ENTPD4: variants seen among roughly 807,000 people sequenced by gnomAD.
ENTPD4 encodes the protein Golgi UDPase.
A neutral mutation model predicts 79.1 loss-of-function variants in ENTPD4; 60 were observed. The observed-to-expected ratio is 0.76, with a 90% confidence interval of 0.62 to 0.94. The LOEUF (loss-of-function observed/expected upper bound fraction) is 0.94, where lower values mean the gene tolerates loss of function less well. ENTPD4 is among the 40% of genes least tolerant of loss of function. The pLI, the probability that ENTPD4 is intolerant of heterozygous loss-of-function variation, is 0.00. For missense variants in ENTPD4, 772 were observed against 775.1 expected (o/e 1.00, Z 0.05); for synonymous variants, 276 against 292.0 (o/e 0.95, Z 0.56).
intron 3 of ENTPD4, 96 bp downstream of exon 3, chr8:23,448,646 G>A: frequency 1.0e-6 from 1 of 978,610 alleles, no homozygotes; most frequent in South Asian, 1.5e-5. Context: ...TTGTTTATAA[G>A]CCACCCAGTC....
intron 6 of ENTPD4, among the ~76,000 whole-genome samples, chr8:23,443,131 C>A (rs1212649291): frequency 6.6e-6 from 1 of 151,628 alleles, no homozygotes; most frequent in Non-Finnish European, 1.5e-5. Flanking sequence ...CCTTGAGGTG[C>A]AGTTCAGATG....
intron 12 of ENTPD4, among the ~76,000 whole-genome samples, 192 bp from the exon 13 acceptor site, chr8:23,433,346 T>C (rs891364652): frequency 1.3e-5 from 2 of 152,156 alleles, no homozygotes; most frequent in East Asian, 3.9e-4. Flanking sequence ...TGTGAAAGTA[T>C]ACTCTGAAGT....
At chr8:23,452,119 G>C (rs1224611583) in intron 1 of ENTPD4, among the ~76,000 whole-genome samples, 1 of 152,210 alleles carries the variant, frequency 6.6e-6, no homozygotes, top group East Asian at 1.9e-4. Flanking sequence ...TGGGATGCAA[G>C]TGTGAGAATC....
chr8:23,439,567 G>A (rs1047311444), intron 9 of ENTPD4, among the ~76,000 whole-genome samples, 182 bp downstream of exon 9: 1 of 152,164 alleles, frequency 6.6e-6, no homozygotes, highest in Non-Finnish European at 1.5e-5. Flanking sequence ...TGGGACAGAG[G>A]GCCAAAGGCA....
chr8:23,456,179 C>A lies in ENTPD4; in HGVS notation c.-98+1378G>T, dbSNP rs1441608724. 3.9e-5 allele frequency among the ~76,000 whole-genome samples: 6 copies of A among 152,226 alleles called. 1 individual carries two copies. Among genetic ancestry groups the A allele is most frequent in the Admixed American group, 3.9e-4 (6 of 15,280 alleles). On this transcript the variant is annotated intron_variant, in intron 1 of 12. Coordinates refer to ENST00000358689, the MANE Select transcript of ENTPD4 (RefSeq NM_004901.5). ...CAACTGGTCCACCTTATCTCACCAA[C>A]CTATCCTCTCATCAGTCCCAGATAC... is the stretch of plus-strand genomic sequence containing the variant.
At chr8:23,456,090 A>G (rs553068444) in intron 1 of ENTPD4, among the ~76,000 whole-genome samples, 2 of 152,314 alleles carry the variant, frequency 1.3e-5, no homozygotes, top group South Asian at 4.1e-4. Context: ...TCAGCTAAGA[A>G]CCTTCTGGAA....
chr8:23,449,564 C>T (rs575358776), intron 2 of ENTPD4, among the ~76,000 whole-genome samples: 1 of 152,276 alleles, frequency 6.6e-6, no homozygotes, highest in East Asian at 1.9e-4. Context: ...AATATTCCCA[C>T]AAGACATTTC....
chr8:23,436,373 GAGA>G (rs1477169574), intron 10 of ENTPD4, among the ~76,000 whole-genome samples: 1 of 152,196 alleles, frequency 6.6e-6, no homozygotes, highest in African/African-American at 2.4e-5. Flanking sequence ...CATTAACCGA[GAGA>G]AGAACAGGAA....
chr8:23,431,826 T>C lies in ENTPD4; in HGVS notation c.*1100A>G. The C allele has an allele frequency of 1.0e-6, 1 of 985,434 alleles. No individual in the cohort carries two copies. Among genetic ancestry groups the C allele is most frequent in the African/African-American group, 1.7e-5 (1 of 57,362 alleles). The allele number at this position is 985,434 out of a possible 1,614,324, so 61.0% of individuals were successfully genotyped here. ...ACCGAAACTGGTGAAACTAGGAATT[T>C]CCAATTCTTTCAAAACCACAGTGTT... On this transcript the variant is annotated 3_prime_UTR_variant, in exon 13 of 13. Coordinates refer to ENST00000358689, the MANE Select transcript of ENTPD4 (RefSeq NM_004901.5).
intron 1 of ENTPD4, among the ~76,000 whole-genome samples, chr8:23,452,079 T>A (rs1410186100): frequency 6.6e-6 from 1 of 152,220 alleles, no homozygotes; most frequent in African/African-American, 2.4e-5. Flanking sequence ...GTAACTTGTC[T>A]AAGGTCACAC....
chr8:23,433,878 A>G (rs1800506885), intron 12 of ENTPD4, among the ~76,000 whole-genome samples: 1 of 152,260 alleles, frequency 6.6e-6, no homozygotes, highest in Admixed American at 6.5e-5. Context: ...TAATGTGTTA[A>G]TAGAGAAGAA....
chr8:23,442,978 T>C (rs1021477570), intron 6 of ENTPD4, among the ~76,000 whole-genome samples: 7 of 152,122 alleles, frequency 4.6e-5, no homozygotes, highest in African/African-American at 1.7e-4. Flanking sequence ...AACTAAAACA[T>C]TTGTGTTTCT....
At chr8:23,454,276 A>T (rs1800914973) in intron 1 of ENTPD4, among the ~76,000 whole-genome samples, 1 of 152,058 alleles carries the variant, frequency 6.6e-6, no homozygotes, top group Non-Finnish European at 1.5e-5. Context: ...CTGAACATTT[A>T]AAAAAAACAT....
At position 23,447,837 on chromosome 8, in the gene ENTPD4, G is replaced by A. The variant is rs769967532; in HGVS notation, c.255C>T (p.Pro85=). The change falls in exon 4 of 13, where the codon CCC becomes CCT. Residue 85 remains proline, a synonymous_variant. Transcript: ENST00000358689. ...CCACCACGATCCCATAGTTCACATT[G>A]GGGTTATTGGTGTCTGTAGCTTCAA... The part of the protein sequence containing the change: ...TDIEATDTNN[P]NVNYGIVVDC... 1.9e-6 allele frequency: 3 copies of A among 1,614,172 alleles called. No individual in the cohort carries two copies. The highest frequency in any genetic ancestry group is 2.5e-6 in the Non-Finnish European group (3 of 1,180,030).
chr8:23,436,592 A>T (rs538629057), intron 10 of ENTPD4, among the ~76,000 whole-genome samples: 3 of 152,200 alleles, frequency 2.0e-5, no homozygotes, highest in Non-Finnish European at 2.9e-5. Context: ...CAGAGAGAAC[A>T]CAAGAACAGG....
intron 4 of ENTPD4, among the ~76,000 whole-genome samples, chr8:23,446,687 G>C (rs182486268): frequency 6.6e-6 from 1 of 152,172 alleles, no homozygotes; most frequent in African/African-American, 2.4e-5. Flanking sequence ...GCTGCCTGAA[G>C]GAGGAGGTGG....
rs1365804459 is a variant in ENTPD4, at chr8:23,430,348, C to T, written c.*2578G>A. ...TGAAAATAATCTAGACGGAAAAATC[C>T]GAAGTGAAATTCTGGTGCAACAAAT... On this transcript the variant is annotated 3_prime_UTR_variant, in exon 13 of 13. Coordinates refer to ENST00000358689, the MANE Select transcript of ENTPD4 (RefSeq NM_004901.5). The T allele has an allele frequency of 1.0e-6, 1 of 985,358 alleles. No individual in the cohort carries two copies. The highest frequency in any genetic ancestry group is 1.2e-6 in the Non-Finnish European group (1 of 829,930). 61.0% of individuals were successfully genotyped at this position (985,358 alleles called of 1,614,324 possible). A position where few individuals can be genotyped will look rare whatever the true frequency, so the allele number is the denominator to read the frequency against.
chr8:23,442,409 G>A (rs1800689329), intron 6 of ENTPD4, among the ~76,000 whole-genome samples: 1 of 152,112 alleles, frequency 6.6e-6, no homozygotes, highest in South Asian at 2.1e-4. Context: ...GTATCAGCTG[G>A]GTGCAATGGC....
chr8:23,454,935 G>C (rs374381683), intron 1 of ENTPD4, among the ~76,000 whole-genome samples: 12 of 152,160 alleles, frequency 7.9e-5, no homozygotes, highest in South Asian at 6.2e-4. Flanking sequence ...AAGAATCTTC[G>C]CACCAGGGCA....
Sources: allele counts gnomAD v4.1 joint callset (sites outside exome capture counted in the v4.1 genomes callset), GRCh38; gene constraint gnomAD v4.1.1; transcripts MANE v1.5; gene names NCBI Gene and HGNC (gene_info 2026-07-23, HGNC 2026-07-21).